Variants in FER observed in about 807,000 individuals in gnomAD.
FER encodes the protein tyrosine-protein kinase Fer.
A neutral mutation model predicts 111.0 loss-of-function variants in FER; 63 were observed. The observed-to-expected ratio is 0.57, with a 90% CI of 0.46 to 0.70. The LOEUF (loss-of-function observed/expected upper bound fraction) is 0.70. FER is among the 30% of genes least tolerant of loss of function. FER has a pLI of 0.00. For synonymous variants in FER, 327 were observed against 313.9 expected, an observed-to-expected ratio of 1.04 and a Z score of -0.44; for missense variants, 914 against 954.0, an observed-to-expected ratio of 0.96 and a Z score of 0.55.
In FER at chr5:109,193,349, A is replaced by G. The variant is rs1459287918; in HGVS notation, c.*5774A>G. 2.0e-5 allele frequency: 3 copies of G among 152,156 alleles called. No homozygotes were observed. Among genetic ancestry groups the G allele is most frequent in the Non-Finnish European group, 1.5e-5 (1 of 68,018 alleles). 9.4% of individuals were successfully genotyped at this position (152,156 alleles called of 1,614,324 possible). ...AAATTGCTGTGAACCTCCTGTTTTT[A>G]ATTTTAATATAGAAAAAGTCTTTCA... is the stretch of plus-strand genomic sequence containing the variant. On this transcript the variant is annotated 3_prime_UTR_variant, in exon 20 of 20. Transcript: ENST00000281092.
At chr5:109,120,969 AT>A (rs144297855) in intron 17 of FER, among the ~76,000 whole-genome samples, 3,983 of 152,134 alleles carry the variant, frequency 0.026, 74 homozygotes, top group South Asian at 0.075. Flanking sequence ...TACTGAATGT[AT>A]TTTGTTAGTT....
At chr5:108,948,586 A>G (rs1370979630) in intron 11 of FER, among the ~76,000 whole-genome samples, 1 of 152,070 alleles carries the variant, frequency 6.6e-6, no homozygotes, top group Non-Finnish European at 1.5e-5. Flanking sequence ...GAGATGTTAG[A>G]CAGTATTAAT....
At chr5:109,073,796 T>G (rs1426490469) in intron 16 of FER, among the ~76,000 whole-genome samples, 3 of 152,062 alleles carry the variant, frequency 2.0e-5, no homozygotes, top group African/African-American at 7.2e-5. Flanking sequence ...AATCCACATA[T>G]AAGTGGACCT....
chr5:109,144,425 A>G (rs2126649828), intron 17 of FER, among the ~76,000 whole-genome samples: 1 of 152,252 alleles, frequency 6.6e-6, no homozygotes, highest in East Asian at 1.9e-4. Context: ...AATCAAGATT[A>G]CAGTGCATCC....
chr5:109,153,756 C>T (rs1467915577), intron 17 of FER, among the ~76,000 whole-genome samples: 2 of 151,808 alleles, frequency 1.3e-5, no homozygotes, highest in Non-Finnish European at 2.9e-5. Context: ...TGATGTATAG[C>T]TAGTAATAAG....
intron 17 of FER, among the ~76,000 whole-genome samples, chr5:109,116,163 C>G (rs1264857306): frequency 6.6e-6 from 1 of 151,962 alleles, no homozygotes; most frequent in Non-Finnish European, 1.5e-5. Flanking sequence ...CCACCTTGCT[C>G]TAATGGTAGC....
intron 10 of FER, chr5:108,924,666 G>A: frequency 8.1e-7 from 1 of 1,232,000 alleles, no homozygotes. Context: ...TTGAGATGGA[G>A]CAGAAAATGA....
intron 10 of FER, among the ~76,000 whole-genome samples, chr5:108,899,025 T>C (rs1581114223): frequency 6.6e-6 from 1 of 152,052 alleles, no homozygotes; most frequent in African/African-American, 2.4e-5. Flanking sequence ...ATTTTAGTAC[T>C]TTTTACTTTA....
At chr5:108,913,591 T>C (rs1751852499) in intron 10 of FER, among the ~76,000 whole-genome samples, 1 of 152,198 alleles carries the variant, frequency 6.6e-6, no homozygotes. Context: ...GGAAAGCCTA[T>C]TGGGCAGTGT....
intron 13 of FER, among the ~76,000 whole-genome samples, chr5:108,977,540 T>G (rs1363029513): frequency 6.6e-6 from 1 of 152,212 alleles, no homozygotes; most frequent in African/African-American, 2.4e-5. Context: ...TATAATAATA[T>G]AGAACCTCAA....
Position 109,191,171 on chromosome 5 carries a change from A to T in FER, c.*3596A>T, listed in dbSNP as rs1759348620. 1 of 152,188 alleles carries T rather than the reference A, an allele frequency of 6.6e-6. No individual in the cohort carries two copies. Among genetic ancestry groups the T allele is most frequent in the African/African-American group, 2.4e-5 (1 of 41,470 alleles). The allele number at this position is 152,188 out of a possible 1,614,324, so 9.4% of individuals were successfully genotyped here. On this transcript the variant is annotated 3_prime_UTR_variant, in exon 20 of 20. Transcript: ENST00000281092. ...AACAAAAATTAAAATGCAACAATCC[A>T]AATAAATTATAATGTAACAATACAA...
intron 16 of FER, among the ~76,000 whole-genome samples, chr5:109,073,537 A>G (rs1391465156): frequency 6.6e-6 from 1 of 152,174 alleles, no homozygotes; most frequent in Non-Finnish European, 1.5e-5. Context: ...TGTGGTTTAT[A>G]TCTCACCATT....
intron 3 of FER, among the ~76,000 whole-genome samples, chr5:108,822,733 AT>A (rs1465255355): frequency 7.2e-5 from 10 of 138,092 alleles, no homozygotes; most frequent in African/African-American, 1.7e-4. Context: ...ATTTTATTTT[AT>A]TTTATTTTAT....
At chr5:109,108,932 T>C (rs1749274529) in intron 17 of FER, among the ~76,000 whole-genome samples, 1 of 152,132 alleles carries the variant, frequency 6.6e-6, no homozygotes, top group African/African-American at 2.4e-5. Context: ...CCAATTATTG[T>C]TTTAAAATAT....
chr5:108,878,727 G>A (rs1269542207), intron 8 of FER, among the ~76,000 whole-genome samples: 1 of 152,080 alleles, frequency 6.6e-6, no homozygotes, highest in Non-Finnish European at 1.5e-5. Flanking sequence ...TCTTGGAAGG[G>A]ATCATGCAAG....
chr5:108,856,746 C>T (rs1763047585), intron 5 of FER, among the ~76,000 whole-genome samples: 2 of 151,900 alleles, frequency 1.3e-5, no homozygotes, highest in African/African-American at 2.4e-5. Context: ...GACTAGTCTT[C>T]TAAAGTAGAG....
chr5:108,828,213 G>C (rs1165784903), intron 3 of FER, among the ~76,000 whole-genome samples: 1 of 151,844 alleles, frequency 6.6e-6, no homozygotes, highest in Non-Finnish European at 1.5e-5. Flanking sequence ...TTTACTTTTT[G>C]TACTTTGTTA....
chr5:109,056,549 A>T (rs1773674217), intron 16 of FER, among the ~76,000 whole-genome samples: 1 of 152,188 alleles, frequency 6.6e-6, no homozygotes, highest in South Asian at 2.1e-4. Context: ...GAAACGGGTC[A>T]CTAGGGCAGA....
chr5:108,930,675 G>A (rs1235321347), intron 10 of FER, among the ~76,000 whole-genome samples: 1 of 135,846 alleles, frequency 7.4e-6, no homozygotes, highest in Non-Finnish European at 1.6e-5. Flanking sequence ...GGCTGGTTGT[G>A]CCATCTGGGT....
Sources: gnomAD v4.1 joint callset for allele counts (sites outside exome capture counted in the v4.1 genomes callset) on GRCh38, gnomAD v4.1.1 for gene constraint, MANE v1.5 for transcripts, NCBI Gene and HGNC (gene_info 2026-07-23, HGNC 2026-07-21) for gene names.